LIN28A: variants seen among roughly 807,000 people sequenced by gnomAD.
LIN28A encodes the protein protein lin-28 homolog A.
In LIN28A, 11 loss-of-function variants were observed where a neutral mutation model predicts 21.1. The observed-to-expected ratio is 0.52, with a 90% CI of 0.33 to 0.86. The LOEUF is 0.86. Ranked by LOEUF, LIN28A falls within the 40% of genes least tolerant of loss-of-function variation. LIN28A has a pLI of 0.03. For synonymous variants in LIN28A, 111 were observed against 108.7 expected, an observed-to-expected ratio of 1.02 and a Z score of -0.13; for missense variants, 219 against 279.8, an observed-to-expected ratio of 0.78 and a Z score of 1.55.
In LIN28A at chr1:26,411,025, C is replaced by A; in HGVS notation, c.31+103C>A. ...TGAGTCCTAGGCTGCCCAAAGGACCCCAAGACGGTGCGGCCTTCTGCTTCA... is the reference window on the plus strand; with the variant it reads ...TGAGTCCTAGGCTGCCCAAAGGACCACAAGACGGTGCGGCCTTCTGCTTCA... On this transcript the variant is annotated intron_variant, in intron 1 of 3. Coordinates refer to ENST00000326279, the MANE Select transcript of LIN28A (RefSeq NM_024674.6). This position sits in a 1 kb window ranked among gnomAD's most constrained non-coding sequence, Gnocchi z 5.4. The A allele has an allele frequency of 7.0e-7, 1 of 1,430,696 alleles. No individual in the cohort carries two copies. Among genetic ancestry groups the A allele is most frequent in the Admixed American group, 2.5e-5 (1 of 40,416 alleles). 88.6% of individuals were successfully genotyped at this position (1,430,696 alleles called of 1,614,324 possible).
intron 2 of LIN28A, among the ~76,000 whole-genome samples, chr1:26,421,369 CAAAT>C: frequency 6.6e-6 from 1 of 152,326 alleles, no homozygotes; most frequent in Non-Finnish European, 1.5e-5. Flanking sequence ...CATTCCCCTT[CAAAT>C]ACACCAGTAG....
At chr1:26,419,056 C>A (rs757758136) in intron 2 of LIN28A, among the ~76,000 whole-genome samples, 12 of 152,040 alleles carry the variant, frequency 7.9e-5, no homozygotes, top group South Asian at 4.2e-4. Context: ...TGCCCCTCCC[C>A]CTAAGGTCTT....
intron 2 of LIN28A, among the ~76,000 whole-genome samples, chr1:26,422,541 C>T (rs754387490): frequency 4.2e-4 from 63 of 151,592 alleles, no homozygotes; most frequent in Admixed American, 5.9e-4. Context: ...ATAGGAATGT[C>T]CCTCAGTTTG....
intron 2 of LIN28A, among the ~76,000 whole-genome samples, chr1:26,415,653 AG>A (rs1416311372): frequency 6.6e-6 from 1 of 152,142 alleles, no homozygotes; most frequent in Non-Finnish European, 1.5e-5. Context: ...AGAGATACTG[AG>A]GGGTGTCAAT....
At chr1:26,419,501 TAG>T (rs1041397268) in intron 2 of LIN28A, among the ~76,000 whole-genome samples, 2 of 152,146 alleles carry the variant, frequency 1.3e-5, no homozygotes, top group Non-Finnish European at 2.9e-5. Context: ...AACTGGGGCT[TAG>T]AGAGGGGATA....
intron 2 of LIN28A, among the ~76,000 whole-genome samples, chr1:26,423,647 G>A (rs1173334978): frequency 1.3e-5 from 2 of 151,364 alleles, no homozygotes; most frequent in Admixed American, 6.6e-5. Context: ...CCTGACCTCA[G>A]GTGATATGCC....
Position 26,427,596 on chromosome 1 carries a change from GT to G in LIN28A, c.*1140del, listed in dbSNP as rs938812725. The G allele has an allele frequency of 6.6e-6, 1 of 152,370 alleles. No homozygotes were observed. The highest frequency in any genetic ancestry group is 6.5e-5 in the Admixed American group (1 of 15,280). 9.4% of individuals were successfully genotyped at this position (152,370 alleles called of 1,614,324 possible). A position where few individuals can be genotyped will look rare whatever the true frequency, so the allele number is the denominator to read the frequency against. ...GAGAGCAAGCCAAGATTAGGTGAGG[GT>G]TGTCTAATCCTATGGCACAGGACGT... is the stretch of plus-strand genomic sequence containing the variant. On this transcript the variant is annotated 3_prime_UTR_variant, in exon 4 of 4. Transcript: ENST00000326279.
intron 2 of LIN28A, among the ~76,000 whole-genome samples, chr1:26,422,213 T>C (rs959459541): frequency 2.0e-5 from 3 of 151,978 alleles, no homozygotes; most frequent in Non-Finnish European, 4.4e-5. Context: ...TTTTGCCATA[T>C]TGCCCAAGCT....
chr1:26,425,773 G>A (rs1453843960), intron 3 of LIN28A, among the ~76,000 whole-genome samples: 1 of 152,298 alleles, frequency 6.6e-6, no homozygotes. Context: ...TAGAATTAAA[G>A]GAGATCATAG....
In LIN28A at chr1:26,428,040, T is replaced by G. The variant is rs2075070066; in HGVS notation, c.*1582T>G. ...ATCCTGGGTTCTTGTCTCCCCTAAA[T>G]GCTGCCCCCCAAGTTACTGTATTTG... is the stretch of plus-strand genomic sequence containing the variant. On this transcript the variant is annotated 3_prime_UTR_variant, in exon 4 of 4. Transcript: ENST00000326279. The G allele has an allele frequency of 6.5e-6, 1 of 152,696 alleles. No individual in the cohort carries two copies. The highest frequency in any genetic ancestry group is 2.4e-5 in the African/African-American group (1 of 41,454). 9.5% of individuals were successfully genotyped at this position (152,696 alleles called of 1,614,324 possible).
chr1:26,423,593 G>C (rs2075040955), intron 2 of LIN28A, among the ~76,000 whole-genome samples: 1 of 149,446 alleles, frequency 6.7e-6, no homozygotes, highest in Admixed American at 6.7e-5. Context: ...ATTTTTAGTA[G>C]TAGAGACAGG....
At chr1:26,421,035 T>C (rs78848303) in intron 2 of LIN28A, among the ~76,000 whole-genome samples, 2 of 152,088 alleles carry the variant, frequency 1.3e-5, no homozygotes, top group Non-Finnish European at 2.9e-5. Flanking sequence ...TTTTTTTTTT[T>C]CTTGATGGCT....
chr1:26,415,722 A>G (rs2074989056), intron 2 of LIN28A, among the ~76,000 whole-genome samples: 1 of 147,148 alleles, frequency 6.8e-6, no homozygotes, highest in African/African-American at 2.5e-5. Flanking sequence ...GGCACAACAT[A>G]GCACTATGAA....
Position 26,411,530 on chromosome 1 carries a change from C to T in LIN28A, c.176C>T (p.Thr59Ile). 2 of 1,614,048 alleles carry T rather than the reference C, an allele frequency of 1.2e-6. No homozygotes were observed. The highest frequency in any genetic ancestry group is 1.7e-6 in the Non-Finnish European group (2 of 1,179,970). ...VRMGFGFLSM[T>I]ARAGVALDPP... ...ATGGGGTTCGGCTTCCTGTCCATGA[C>T]CGCCCGCGCCGGGGTCGCGCTCGAC... The change falls in exon 2 of 4, where the codon ACC (threonine) becomes ATC (isoleucine). Residue 59 changes from threonine (T) to isoleucine (I), a missense_variant. Coordinates refer to ENST00000326279, the MANE Select transcript of LIN28A (RefSeq NM_024674.6). This position sits in a 1 kb window ranked among gnomAD's most constrained non-coding sequence, Gnocchi z 5.4.
At chr1:26,423,040 C>T (rs1216949725) in intron 2 of LIN28A, among the ~76,000 whole-genome samples, 1 of 152,078 alleles carries the variant, frequency 6.6e-6, no homozygotes, top group Non-Finnish European at 1.5e-5. Context: ...TCAAGTGATG[C>T]TCCCACCTCT....
chr1:26,420,276 A>C (rs529180643), intron 2 of LIN28A, among the ~76,000 whole-genome samples: 1 of 152,160 alleles, frequency 6.6e-6, no homozygotes, highest in South Asian at 2.1e-4. Flanking sequence ...TACAAATCTA[A>C]CTTTAAACTC....
chr1:26,420,738 G>A (rs2075024293), intron 2 of LIN28A, among the ~76,000 whole-genome samples: 1 of 152,024 alleles, frequency 6.6e-6, no homozygotes, highest in African/African-American at 2.4e-5. Flanking sequence ...ACTTACTCAT[G>A]TTCCCTTGAG....
At position 26,411,294 on chromosome 1, in the gene LIN28A, G is replaced by A; in HGVS notation, c.32-92G>A. The A allele has an allele frequency of 7.9e-7, 1 of 1,260,710 alleles. No individual in the cohort carries two copies. Among genetic ancestry groups the A allele is most frequent in the Non-Finnish European group, 1.1e-6 (1 of 938,726 alleles). 78.1% of individuals were successfully genotyped at this position (1,260,710 alleles called of 1,614,324 possible). A position where few individuals can be genotyped will look rare whatever the true frequency, so the allele number is the denominator to read the frequency against. ...GCCCCCTCCTGGCTGTCCACTTGTGGGGCTGGATACTCGGGTCTCCCTGCC... is the reference window on the plus strand; with the variant it reads ...GCCCCCTCCTGGCTGTCCACTTGTGAGGCTGGATACTCGGGTCTCCCTGCC... On this transcript the variant is annotated intron_variant, in intron 1 of 3. Coordinates refer to ENST00000326279, the MANE Select transcript of LIN28A (RefSeq NM_024674.6). The surrounding 1 kb of genome is among the most constrained non-coding windows in gnomAD (Gnocchi z 5.4).
intron 2 of LIN28A, among the ~76,000 whole-genome samples, chr1:26,420,459 CA>C (rs1346470673): frequency 1.3e-5 from 2 of 151,910 alleles, no homozygotes; most frequent in African/African-American, 4.8e-5. Context: ...ACTAGAAATA[CA>C]AAAATTAGCT....
Sources: gnomAD v4.1 joint callset for allele counts (sites outside exome capture counted in the v4.1 genomes callset) on GRCh38, gnomAD v4.1.1 for gene constraint, Gnocchi (gnomAD v3.1) non-coding constraint, MANE v1.5 for transcripts, NCBI Gene and HGNC (gene_info 2026-07-23, HGNC 2026-07-21) for gene names.